Variants in RABGAP1L observed in about 807,000 individuals in gnomAD.
RABGAP1L encodes rab GTPase-activating protein 1-like.
Under a neutral mutation model 137.7 loss-of-function variants are expected in RABGAP1L, and 63 were observed. The ratio of observed to expected loss-of-function variants is 0.46; its 90% CI spans 0.37 to 0.56. RABGAP1L has a LOEUF of 0.56. Ranked by LOEUF, RABGAP1L falls within the 20% of genes least tolerant of loss-of-function variation. RABGAP1L has a pLI of 0.00. For missense variants in RABGAP1L, 1,095 were observed against 1,244.0 expected, an observed-to-expected ratio of 0.88 and a Z score of 1.80; for synonymous variants, 431 against 433.7, an observed-to-expected ratio of 0.99 and a Z score of 0.08.
rs566780413 is a variant in RABGAP1L at position 174,337,055 on chromosome 1, T to C, written c.1465+31928T>C. The stretch of plus-strand genomic sequence containing the variant: ...GAGGGAGAGAGTGTATTTGTATTTG[T>C]TTTCTATTGCTGCATAACAGATTAC... On this transcript the variant is annotated intron_variant, in intron 11 of 25. Coordinates refer to ENST00000681986, the MANE Select transcript of RABGAP1L (RefSeq NM_001366446.1). Among the ~76,000 whole-genome samples, 14 of 152,156 alleles carry C rather than the reference T, an allele frequency of 9.2e-5. No homozygotes were observed. In the South Asian group the frequency reaches 2.3e-3, roughly 25 times the overall value.
intron 9 of RABGAP1L, among the ~76,000 whole-genome samples, chr1:174,278,113 C>A (rs373625896): frequency 6.6e-6 from 1 of 152,012 alleles, no homozygotes; most frequent in African/African-American, 2.4e-5. Flanking sequence ...ATTCAAAAAC[C>A]TCAATGAGGC....
chr1:174,813,162 G>C (rs1236923992), intron 19 of RABGAP1L, among the ~76,000 whole-genome samples: 1 of 152,194 alleles, frequency 6.6e-6, no homozygotes, highest in Non-Finnish European at 1.5e-5. Flanking sequence ...CCATAGGAAG[G>C]TAAGAGAAGT....
intron 13 of RABGAP1L, among the ~76,000 whole-genome samples, chr1:174,635,533 A>G (rs1487598138): frequency 6.6e-6 from 1 of 152,146 alleles, no homozygotes; most frequent in Non-Finnish European, 1.5e-5. Flanking sequence ...ACCTTATTCT[A>G]TACCCCCACC....
At chr1:174,941,705 CA>C (rs1665910480) in intron 19 of RABGAP1L, among the ~76,000 whole-genome samples, 1 of 151,988 alleles carries the variant, frequency 6.6e-6, no homozygotes. Context: ...CAAAACAAAA[CA>C]AAACAAAACA....
intron 13 of RABGAP1L, among the ~76,000 whole-genome samples, chr1:174,518,586 T>C (rs1391893586): frequency 6.6e-6 from 1 of 152,218 alleles, no homozygotes; most frequent in Non-Finnish European, 1.5e-5. Flanking sequence ...GATTATATTC[T>C]GTGTTCATCT....
intron 18 of RABGAP1L, among the ~76,000 whole-genome samples, chr1:174,769,724 G>T (rs554658382): frequency 1.3e-5 from 2 of 152,218 alleles, no homozygotes; most frequent in Non-Finnish European, 2.9e-5. Flanking sequence ...ATGGTGGTGG[G>T]CGCCTGTAGT....
intron 1 of RABGAP1L, among the ~76,000 whole-genome samples, chr1:174,162,035 AT>A (rs5778796): frequency 0.23 from 32,196 of 141,330 alleles, 3,940 homozygotes; most frequent in East Asian, 0.55. Context: ...TGCTTGTCCC[AT>A]TTTTTTTTTT....
At chr1:174,633,170 G>A (rs1252105786) in intron 13 of RABGAP1L, among the ~76,000 whole-genome samples, 3 of 150,446 alleles carry the variant, frequency 2.0e-5, no homozygotes, top group Non-Finnish European at 3.0e-5. Flanking sequence ...AAGCTGATAA[G>A]CAACTTCAGC....
Position 174,252,419 on chromosome 1 carries a change from A to G in RABGAP1L, c.876-61A>G, listed in dbSNP as rs376368803. 43 of 1,574,084 alleles carry G rather than the reference A, an allele frequency of 2.7e-5. No homozygotes were observed. The African/African-American group carries it at 4.4e-4, about 16-fold the overall frequency. ...TTTGTTGTTTTGTTCTAACCTTGGA[A>G]TAGGTTATTTTATCATTTTATTAGA... On this transcript the variant is annotated intron_variant, in intron 6 of 25. Coordinates refer to ENST00000681986, the MANE Select transcript of RABGAP1L (RefSeq NM_001366446.1).
intron 11 of RABGAP1L, among the ~76,000 whole-genome samples, chr1:174,352,295 A>G (rs1305652157): frequency 6.6e-6 from 1 of 151,920 alleles, no homozygotes; most frequent in Non-Finnish European, 1.5e-5. Context: ...GTGTTTTCAA[A>G]TAGGCTGTCT....
At chr1:174,262,694 T>A (rs549735056) in intron 7 of RABGAP1L, among the ~76,000 whole-genome samples, 54 of 152,352 alleles carry the variant, frequency 3.5e-4, no homozygotes, top group Middle Eastern at 3.4e-3. Context: ...GTTTAAGAAA[T>A]TTGGATATGT....
At chr1:174,832,319 AAAAAAG>A (rs1046294199) in intron 19 of RABGAP1L, among the ~76,000 whole-genome samples, 3 of 146,896 alleles carry the variant, frequency 2.0e-5, no homozygotes, top group Non-Finnish European at 4.5e-5. Flanking sequence ...AAAGAAAAAG[AAAAAAG>A]AAAAAGAAAA....
At chr1:174,815,639 C>T (rs1690317786) in intron 19 of RABGAP1L, among the ~76,000 whole-genome samples, 1 of 152,184 alleles carries the variant, frequency 6.6e-6, no homozygotes, top group Admixed American at 6.6e-5. Context: ...AACTTGTTAG[C>T]TCTGTATGTG....
At chr1:174,562,755 C>G (rs1372031486) in intron 13 of RABGAP1L, among the ~76,000 whole-genome samples, 1 of 152,126 alleles carries the variant, frequency 6.6e-6, no homozygotes, top group Non-Finnish European at 1.5e-5. Context: ...AACACAAGAA[C>G]AGAAAACCAA....
At chr1:174,506,326 G>T (rs1244011460) in intron 13 of RABGAP1L, among the ~76,000 whole-genome samples, 1 of 152,126 alleles carries the variant, frequency 6.6e-6, no homozygotes, top group Non-Finnish European at 1.5e-5. Flanking sequence ...CCATGGCAGA[G>T]ATAAATAGTC....
At chr1:174,184,520 G>A (rs940226987) in intron 1 of RABGAP1L, among the ~76,000 whole-genome samples, 1 of 152,240 alleles carries the variant, frequency 6.6e-6, no homozygotes, top group African/African-American at 2.4e-5. Flanking sequence ...AGCAGTGAAT[G>A]AAATGACATC....
chr1:174,385,956 G>A (rs936067169), intron 12 of RABGAP1L, among the ~76,000 whole-genome samples: 3 of 152,166 alleles, frequency 2.0e-5, no homozygotes, highest in African/African-American at 7.2e-5. Context: ...TGGGTTGAGA[G>A]TTTTTTATTA....
At chr1:174,307,519 C>T (rs762007853) in intron 11 of RABGAP1L, among the ~76,000 whole-genome samples, 4 of 152,100 alleles carry the variant, frequency 2.6e-5, no homozygotes, top group Non-Finnish European at 4.4e-5. Flanking sequence ...ATGGCTTTAC[C>T]TATTTTGCAT....
intron 1 of RABGAP1L, among the ~76,000 whole-genome samples, chr1:174,184,611 A>G (rs1276479945): frequency 6.6e-6 from 1 of 152,202 alleles, no homozygotes; most frequent in African/African-American, 2.4e-5. Flanking sequence ...AAAACGAAAC[A>G]CTTTTAAGCT....
Sources: gnomAD v4.1 joint callset for allele counts (sites outside exome capture counted in the v4.1 genomes callset) on GRCh38, gnomAD v4.1.1 for gene constraint, MANE v1.5 for transcripts, NCBI Gene and HGNC (gene_info 2026-07-23, HGNC 2026-07-21) for gene names.